KIF5C: variants seen among roughly 807,000 people sequenced by gnomAD.
KIF5C encodes kinesin family member 5C.
A neutral mutation model predicts 125.2 loss-of-function variants in KIF5C; 18 were observed. The ratio of observed to expected loss-of-function variants is 0.14; its 90% confidence interval spans 0.10 to 0.21. The LOEUF (loss-of-function observed/expected upper bound fraction) is 0.21. Ranked by LOEUF, KIF5C falls within the 10% of genes least tolerant of loss-of-function variation. KIF5C has a pLI of 1.00. For synonymous variants in KIF5C, 405 were observed against 434.0 expected (o/e 0.93, Z 0.83); for missense variants, 780 against 1,183.8 (o/e 0.66, Z 5.01).
intron 1 of KIF5C, among the ~76,000 whole-genome samples, chr2:148,899,391 G>A (rs571800235): frequency 6.6e-6 from 1 of 152,268 alleles, no homozygotes; most frequent in African/African-American, 2.4e-5. Flanking sequence ...ATCTAGATGT[G>A]CTTATGCTTG....
rs115798060 is a variant in KIF5C at position 148,965,633 on chromosome 2, G to A, written c.1117+3514G>A. 8.2e-3 allele frequency among the ~76,000 whole-genome samples: 1,251 copies of A among 152,260 alleles called. 24 individuals are homozygous for A. The highest frequency in any genetic ancestry group is 0.029 in the African/African-American group (1,204 of 41,526). The stretch of plus-strand genomic sequence containing the variant: ...TGTCTCATGCTATGTGCCAGTGGAC[G>A]TTACAGGGACAACAGACCAGGCCAG... On this transcript the variant is annotated intron_variant, in intron 11 of 25. Coordinates refer to ENST00000435030, the MANE Select transcript of KIF5C (RefSeq NM_004522.3).
intron 11 of KIF5C, among the ~76,000 whole-genome samples, chr2:148,965,392 A>G (rs6730426): frequency 6.6e-6 from 1 of 152,196 alleles, no homozygotes; most frequent in East Asian, 1.9e-4. Flanking sequence ...TGATGGGAGA[A>G]GGGAATTGGA....
chr2:148,893,146 A>G lies in KIF5C; in HGVS notation c.126+17403A>G, dbSNP rs78964875. 6.1e-4 allele frequency among the ~76,000 whole-genome samples: 93 copies of G among 152,306 alleles called. 1 individual carries two copies. The East Asian group carries it at 0.016, about 27-fold the overall frequency. ...CTATACCTGGCTTGTTTTGTTTTTA[A>G]TCACAAATGGATCCTGAAGACCTTG... On this transcript the variant is annotated intron_variant, in intron 1 of 25. Transcript: ENST00000435030.
intron 21 of KIF5C, among the ~76,000 whole-genome samples, chr2:149,004,050 CT>C (rs2105191314): frequency 6.6e-6 from 1 of 152,326 alleles, no homozygotes; most frequent in Admixed American, 6.5e-5. Context: ...ACCCCTGCCC[CT>C]GGGCTGGAAG....
In KIF5C at chr2:148,962,243, G is replaced by A. The variant is rs1284647420; in HGVS notation, c.1117+124G>A. ...TGCAGTGGCGTGATCTTGGCTCACC[G>A]CAACCTCTGCCTCCAGGGTTCAAGC... On this transcript the variant is annotated intron_variant, in intron 11 of 25. Coordinates refer to ENST00000435030, the MANE Select transcript of KIF5C (RefSeq NM_004522.3). 7.5e-6 allele frequency: 10 copies of A among 1,340,880 alleles called. No individual in the cohort carries two copies. The East Asian group carries it at 1.0e-4, about 14-fold the overall frequency. The allele number at this position is 1,340,880 out of a possible 1,614,324, so 83.1% of individuals were successfully genotyped here. A position where few individuals can be genotyped will look rare whatever the true frequency, so the allele number is the denominator to read the frequency against.
chr2:148,897,984 T>C (rs1057305025), intron 1 of KIF5C, among the ~76,000 whole-genome samples: 2 of 95,898 alleles, frequency 2.1e-5, no homozygotes, highest in Admixed American at 2.8e-4. Flanking sequence ...CAGGGAGAGG[T>C]GGTGCTGGCT....
intron 21 of KIF5C, among the ~76,000 whole-genome samples, chr2:149,003,249 C>T (rs1003486162): frequency 6.6e-6 from 1 of 152,276 alleles, no homozygotes; most frequent in Non-Finnish European, 1.5e-5. Flanking sequence ...TTCTGCCGCC[C>T]TCCTCAGCGC....
At chr2:149,012,235 C>T (rs1166523092) in intron 25 of KIF5C, among the ~76,000 whole-genome samples, 3 of 152,114 alleles carry the variant, frequency 2.0e-5, no homozygotes, top group African/African-American at 4.8e-5. Flanking sequence ...CCCATGTGCA[C>T]GACATTTCTC....
chr2:148,889,804 A>C (rs777567211), intron 1 of KIF5C, among the ~76,000 whole-genome samples: 2 of 152,228 alleles, frequency 1.3e-5, no homozygotes, highest in Non-Finnish European at 2.9e-5. Flanking sequence ...GCCACCAGGC[A>C]CATCATCCTC....
chr2:148,979,557 G>C (rs1574808813), intron 13 of KIF5C, among the ~76,000 whole-genome samples: 1 of 152,202 alleles, frequency 6.6e-6, no homozygotes, highest in South Asian at 2.1e-4. Flanking sequence ...ACAGGTGTGA[G>C]CCACTGCACC....
intron 14 of KIF5C, among the ~76,000 whole-genome samples, chr2:148,982,001 G>A (rs1283422350): frequency 2.0e-5 from 3 of 152,178 alleles, no homozygotes; most frequent in Non-Finnish European, 4.4e-5. Context: ...AAAGCACTTA[G>A]CACAGATCTG....
chr2:149,026,477 G>T lies in KIF5C; in HGVS notation c.*3407G>T, dbSNP rs1682687546. ...AGTGTGTCCTGTGTACTGCAGATGT[G>T]TGTTCTCTGGGCTTTATGTATCTGT... is the stretch of plus-strand genomic sequence containing the variant. On this transcript the variant is annotated 3_prime_UTR_variant, in exon 26 of 26. Transcript: ENST00000435030. 6.6e-6 allele frequency: 1 copy of T among 152,340 alleles called. No individual in the cohort carries two copies. The allele number at this position is 152,340 out of a possible 1,614,324, so 9.4% of individuals were successfully genotyped here. A position where few individuals can be genotyped will look rare whatever the true frequency, so the allele number is the denominator to read the frequency against.
At chr2:148,938,679 A>AG (rs1558906500) in intron 4 of KIF5C, among the ~76,000 whole-genome samples, 1 of 152,134 alleles carries the variant, frequency 6.6e-6, no homozygotes, top group Non-Finnish European at 1.5e-5. Flanking sequence ...GGGAGGGTGA[A>AG]GGGGCAGTTC....
At chr2:148,928,985 T>C (rs573537361) in intron 2 of KIF5C, among the ~76,000 whole-genome samples, 1 of 152,362 alleles carries the variant, frequency 6.6e-6, no homozygotes, top group Non-Finnish European at 1.5e-5. Context: ...AAAACTCAAA[T>C]ATCCTTCTAC....
rs959466665 is a variant in KIF5C, at chr2:149,024,009, G to A, written c.*939G>A. On this transcript the variant is annotated 3_prime_UTR_variant, in exon 26 of 26. Transcript: ENST00000435030. ...CAACATCATTCCAGCAGTTGAAAAAGGAAGCCTTCGGGAGAAAGTGCTTGT... is the reference window on the plus strand; with the variant it reads ...CAACATCATTCCAGCAGTTGAAAAAAGAAGCCTTCGGGAGAAAGTGCTTGT... 2.0e-5 allele frequency: 3 copies of A among 152,150 alleles called. No individual in the cohort carries two copies. Among genetic ancestry groups the A allele is most frequent in the Admixed American group, 6.5e-5 (1 of 15,284 alleles). 9.4% of individuals were successfully genotyped at this position (152,150 alleles called of 1,614,324 possible).
chr2:148,886,799 C>A (rs772175812), intron 1 of KIF5C, among the ~76,000 whole-genome samples: 1 of 152,094 alleles, frequency 6.6e-6, no homozygotes, highest in Non-Finnish European at 1.5e-5. Context: ...TTCAAACAAG[C>A]GGGAGAAAAA....
intron 7 of KIF5C, 107 bp from the exon 8 acceptor site, chr2:148,946,792 C>T: frequency 6.0e-6 from 9 of 1,494,582 alleles, no homozygotes; most frequent in Non-Finnish European, 8.1e-6. Context: ...GGACTTACTT[C>T]AATGAAATGG....
chr2:149,002,958 C>G (rs1681901267), intron 21 of KIF5C, among the ~76,000 whole-genome samples: 1 of 152,208 alleles, frequency 6.6e-6, no homozygotes, highest in African/African-American at 2.4e-5. Context: ...CGTCCGTTCT[C>G]TCTCCCACGC....
intron 12 of KIF5C, among the ~76,000 whole-genome samples, chr2:148,974,781 A>G (rs1419111381): frequency 9.2e-5 from 14 of 152,176 alleles, no homozygotes; most frequent in Admixed American, 9.2e-4. Flanking sequence ...TTTAGAACCA[A>G]TGGGCTCATT....
Sources: gnomAD v4.1 joint callset for allele counts (sites outside exome capture counted in the v4.1 genomes callset) on GRCh38, gnomAD v4.1.1 for gene constraint, MANE v1.5 for transcripts, NCBI Gene and HGNC (gene_info 2026-07-23, HGNC 2026-07-21) for gene names.